KIZ: variants seen among roughly 807,000 people sequenced by gnomAD.
KIZ encodes centrosomal protein kizuna.
Under a neutral mutation model 79.6 loss-of-function variants are expected in KIZ, and 68 were observed. The ratio of observed to expected loss-of-function variants is 0.85; its 90% CI spans 0.70 to 1.05. The LOEUF is 1.05. Ranked by LOEUF, KIZ falls within the 50% of genes least tolerant of loss-of-function variation. The probability of loss-of-function intolerance (pLI) is 0.00; values close to 1 mark genes in which losing one functional copy is unlikely to be tolerated. For missense variants in KIZ, 797 were observed against 800.4 expected (o/e 1.00, Z 0.05); for synonymous variants, 280 against 281.8 (o/e 0.99, Z 0.06).
At chr20:21,185,695 G>A (rs2034849874) in intron 6 of KIZ, among the ~76,000 whole-genome samples, 1 of 149,958 alleles carries the variant, frequency 6.7e-6, no homozygotes. Context: ...ACAAGCGTGA[G>A]CCACCACGCC....
intron 6 of KIZ, chr20:21,202,385 CA>C (rs1483063047): frequency 2.0e-5 from 3 of 152,130 alleles, no homozygotes; most frequent in Non-Finnish European, 4.4e-5. Context: ...GTTAAGAAAC[CA>C]AATATAGATG....
At chr20:21,158,348 G>A (rs6035792) in intron 4 of KIZ, 88,095 of 151,928 alleles carry the variant, frequency 0.58, 27,146 homozygotes, top group South Asian at 0.78. Context: ...ACAGTATTCT[G>A]TAAGGCAGGC....
rs2036258544 is a variant in KIZ at position 21,215,657 on chromosome 20, A to G, written c.1678+9A>G. 3 of 1,581,030 alleles carry G rather than the reference A, an allele frequency of 1.9e-6. No individual in the cohort carries two copies. Among genetic ancestry groups the G allele is most frequent in the Non-Finnish European group, 1.7e-6 (2 of 1,153,234 alleles). The stretch of plus-strand genomic sequence containing the variant: ...AGATATCCCAATCACAGGTAAAGCT[A>G]TGGTTGCCTAAGAGTTTCAGACACA... On this transcript the variant is annotated intron_variant, in intron 9 of 12. Coordinates refer to ENST00000619189, the MANE Select transcript of KIZ (RefSeq NM_018474.6).
At chr20:21,161,277 G>C (rs2033640467) in intron 4 of KIZ, among the ~76,000 whole-genome samples, 1 of 152,000 alleles carries the variant, frequency 6.6e-6, no homozygotes, top group African/African-American at 2.4e-5. Flanking sequence ...CCATTATGTG[G>C]GTTATATTTT....
At chr20:21,218,851 A>G (rs1600576527) in intron 9 of KIZ, among the ~76,000 whole-genome samples, 1 of 152,190 alleles carries the variant, frequency 6.6e-6, no homozygotes, top group Admixed American at 6.5e-5. Context: ...ATTTTGGGCT[A>G]CCTTAGTGTA....
At chr20:21,134,966 C>G (rs920605906) in intron 2 of KIZ, among the ~76,000 whole-genome samples, 5 of 152,176 alleles carry the variant, frequency 3.3e-5, no homozygotes, top group Non-Finnish European at 5.9e-5. Flanking sequence ...CATGCCCGAC[C>G]CATCTTTCAG....
intron 7 of KIZ, among the ~76,000 whole-genome samples, chr20:21,209,639 T>C (rs967780683): frequency 6.6e-6 from 1 of 152,282 alleles, no homozygotes; most frequent in Non-Finnish European, 1.5e-5. Flanking sequence ...AACTTAAGTG[T>C]TGATGCTTGC....
At chr20:21,235,605 T>C (rs1329965833) in intron 11 of KIZ, among the ~76,000 whole-genome samples, 1 of 152,246 alleles carries the variant, frequency 6.6e-6, no homozygotes, top group East Asian at 1.9e-4. Flanking sequence ...CTCTCCCGGA[T>C]CCATTTGTTC....
At chr20:21,145,271 A>G (rs1600379390) in intron 3 of KIZ, among the ~76,000 whole-genome samples, 1 of 151,908 alleles carries the variant, frequency 6.6e-6, no homozygotes, top group Non-Finnish European at 1.5e-5. Context: ...AACTGTATAC[A>G]TATATATACA....
chr20:21,136,318 A>G (rs2032184378), intron 2 of KIZ, 72 bp from the exon 3 acceptor site: 9 of 889,112 alleles, frequency 1.0e-5, no homozygotes, highest in Non-Finnish European at 1.5e-5. Context: ...AACAATTTTG[A>G]TGAAGAAAAT....
chr20:21,145,599 G>T lies in KIZ; in HGVS notation c.350G>T (p.Cys117Phe). 6.5e-7 allele frequency: 1 copy of T among 1,527,242 alleles called. No homozygotes were observed. The highest frequency in any genetic ancestry group is 1.2e-5 in the South Asian group (1 of 81,418). 94.6% of individuals were successfully genotyped at this position (1,527,242 alleles called of 1,614,324 possible). The change falls in exon 4 of 13, where the codon TGC becomes TTC. Residue 117 changes from cysteine to phenylalanine, a missense_variant. Coordinates refer to ENST00000619189, the MANE Select transcript of KIZ (RefSeq NM_018474.6). ...GAGACTCAAATTAAGAAGATGCTAT[G>T]CTCAAAAGATAGCCTGGGACTAAAA... ...EYETQIKKML[C>F]SKDSLGLKEE...
intron 6 of KIZ, among the ~76,000 whole-genome samples, chr20:21,183,023 A>T (rs779056646): frequency 6.6e-6 from 1 of 152,138 alleles, no homozygotes; most frequent in Non-Finnish European, 1.5e-5. Context: ...GAGGTTGATT[A>T]CTAAACAAAA....
chr20:21,188,235 A>G (rs1380627033), intron 6 of KIZ, among the ~76,000 whole-genome samples: 1 of 152,228 alleles, frequency 6.6e-6, no homozygotes, highest in African/African-American at 2.4e-5. Flanking sequence ...CATTTCAGAA[A>G]GGGTCCTGCC....
chr20:21,126,187 G>C lies in KIZ; in HGVS notation c.72G>C (p.Gln24His), dbSNP rs2031451060. 2 of 1,488,764 alleles carry C rather than the reference G, an allele frequency of 1.3e-6. No homozygotes were observed. Among genetic ancestry groups the C allele is most frequent in the Non-Finnish European group, 9.0e-7 (1 of 1,115,630 alleles). 92.2% of individuals were successfully genotyped at this position (1,488,764 alleles called of 1,614,324 possible). ...ACTACGAGAGGCTGGGCCAACTCCA[G>C]CACGGGCTGCGGGACAGGTAAGGGC... ...PDYYERLGQLQHGLRDSEKKR... is the reference protein window; with the variant it reads ...PDYYERLGQLHHGLRDSEKKR... The change falls in exon 1 of 13, where the codon CAG becomes CAC. Residue 24 changes from glutamine (Q) to histidine (H), a missense_variant. Gln to His is a conservative substitution (Grantham distance 24). Transcript: ENST00000619189.
chr20:21,180,730 T>TA (rs1568951410), intron 6 of KIZ, among the ~76,000 whole-genome samples: 1 of 152,022 alleles, frequency 6.6e-6, no homozygotes, highest in African/African-American at 2.4e-5. Context: ...ATGAGCCCAA[T>TA]AGCATTCAAG....
intron 4 of KIZ, among the ~76,000 whole-genome samples, chr20:21,147,996 G>GTGTGTGTGT: frequency 2.0e-5 from 1 of 51,166 alleles, no homozygotes; most frequent in East Asian, 4.2e-4. Context: ...TGTGTGTGTG[G>GTGTGTGTGT]CAGCAGATGA....
chr20:21,171,408 T>C (rs1340667914), intron 6 of KIZ, among the ~76,000 whole-genome samples: 1 of 152,202 alleles, frequency 6.6e-6, no homozygotes, highest in Non-Finnish European at 1.5e-5. Flanking sequence ...ACAGTGTCTT[T>C]TACAGAGCAG....
intron 11 of KIZ, among the ~76,000 whole-genome samples, chr20:21,243,684 C>T (rs1467680737): frequency 1.3e-5 from 2 of 152,184 alleles, no homozygotes; most frequent in Admixed American, 6.5e-5. Context: ...TCAGTCGAGA[C>T]GGTCCTGGAC....
At chr20:21,178,876 A>G (rs999300160) in intron 6 of KIZ, among the ~76,000 whole-genome samples, 1 of 152,068 alleles carries the variant, frequency 6.6e-6, no homozygotes, top group Admixed American at 6.5e-5. Context: ...TATCACATTG[A>G]TTTTTATATG....
Sources: gnomAD v4.1 joint callset for allele counts (sites outside exome capture counted in the v4.1 genomes callset) on GRCh38, gnomAD v4.1.1 for gene constraint, MANE v1.5 for transcripts, NCBI Gene and HGNC (gene_info 2026-07-23, HGNC 2026-07-21) for gene names.